Variants in SORCS3 observed in about 807,000 individuals in gnomAD.
SORCS3 encodes sortilin related VPS10 domain containing receptor 3, also known as VPS10 domain-containing receptor SorCS3.
In SORCS3, 57 loss-of-function variants were observed where a neutral mutation model predicts 146.3. The observed-to-expected ratio is 0.39, with a 90% CI of 0.31 to 0.49. SORCS3 has a LOEUF of 0.49. Ranked by LOEUF, SORCS3 falls within the 20% of genes least tolerant of loss-of-function variation. The probability of loss-of-function intolerance (pLI) is 0.92; values close to 1 mark genes in which losing one functional copy is unlikely to be tolerated. For synonymous variants in SORCS3, 653 were observed against 618.5 expected, an observed-to-expected ratio of 1.06 and a Z score of -0.83; for missense variants, 1,341 against 1,575.5, an observed-to-expected ratio of 0.85 and a Z score of 2.52.
intron 3 of SORCS3, among the ~76,000 whole-genome samples, chr10:104,958,957 C>T (rs1281149367): frequency 6.6e-6 from 1 of 152,072 alleles, no homozygotes; most frequent in Non-Finnish European, 1.5e-5. Context: ...CCTCCATGAT[C>T]CAATCACCTC....
At chr10:105,034,076 C>A (rs1000221797) in intron 4 of SORCS3, among the ~76,000 whole-genome samples, 3 of 152,094 alleles carry the variant, frequency 2.0e-5, no homozygotes, top group Non-Finnish European at 2.9e-5. Flanking sequence ...GGAAGATATA[C>A]ATTGATCATG....
At chr10:105,041,288 C>T (rs2055336337) in intron 4 of SORCS3, among the ~76,000 whole-genome samples, 1 of 148,650 alleles carries the variant, frequency 6.7e-6, no homozygotes, top group Admixed American at 6.7e-5. Flanking sequence ...GGAAGAGGTC[C>T]TCTTCCCCAC....
chr10:104,740,838 A>G (rs572079903), intron 1 of SORCS3, among the ~76,000 whole-genome samples: 5 of 152,160 alleles, frequency 3.3e-5, no homozygotes, highest in Admixed American at 2.0e-4. Flanking sequence ...CTAGGATCTT[A>G]TCTATTAGTT....
At chr10:104,859,098 A>G (rs1025676407) in intron 2 of SORCS3, among the ~76,000 whole-genome samples, 4 of 152,020 alleles carry the variant, frequency 2.6e-5, no homozygotes, top group African/African-American at 9.7e-5. Flanking sequence ...TACATGCTTT[A>G]GGGTGTTAGT....
intron 5 of SORCS3, among the ~76,000 whole-genome samples, chr10:105,085,434 CAG>C (rs1398930868): frequency 1.3e-5 from 2 of 152,182 alleles, no homozygotes; most frequent in East Asian, 1.9e-4. Context: ...GACCTAGGGA[CAG>C]AGCAGTTTTG....
At chr10:105,072,762 A>G (rs145800050) in intron 5 of SORCS3, among the ~76,000 whole-genome samples, 159 of 144,618 alleles carry the variant, frequency 1.1e-3, no homozygotes, top group African/African-American at 3.9e-3. Context: ...CCCCGTAGCC[A>G]GATGATGTGT....
chr10:105,151,502 T>G (rs1387562497), intron 9 of SORCS3, among the ~76,000 whole-genome samples: 3 of 152,136 alleles, frequency 2.0e-5, no homozygotes, highest in Admixed American at 2.0e-4. Context: ...ACTCAAAGGT[T>G]CAGAGATGTC....
intron 5 of SORCS3, among the ~76,000 whole-genome samples, chr10:105,067,934 T>C (rs2055532635): frequency 6.6e-6 from 1 of 152,044 alleles, no homozygotes; most frequent in Non-Finnish European, 1.5e-5. Flanking sequence ...GGATGCTCTC[T>C]TCATTGTTTC....
chr10:104,933,378 A>G (rs970167118), intron 3 of SORCS3, among the ~76,000 whole-genome samples: 28 of 152,028 alleles, frequency 1.8e-4, no homozygotes, highest in Admixed American at 4.6e-4. Flanking sequence ...CAGACAGTAA[A>G]ATGTACAGAA....
intron 5 of SORCS3, among the ~76,000 whole-genome samples, chr10:105,052,477 G>A (rs1476275549): frequency 6.6e-6 from 1 of 152,154 alleles, no homozygotes; most frequent in African/African-American, 2.4e-5. Flanking sequence ...TTCACTCACT[G>A]ATAATAAACT....
At chr10:105,132,914 A>C (rs957999881) in intron 7 of SORCS3, among the ~76,000 whole-genome samples, 11 of 152,242 alleles carry the variant, frequency 7.2e-5, no homozygotes, top group Non-Finnish European at 1.2e-4. Context: ...TTTGGGATTT[A>C]CAATGCCAGC....
chr10:104,724,569 GT>G (rs1355039638), intron 1 of SORCS3, among the ~76,000 whole-genome samples: 1 of 152,182 alleles, frequency 6.6e-6, no homozygotes, highest in Non-Finnish European at 1.5e-5. Context: ...CCTGCAGAGT[GT>G]TTTCCAACTT....
chr10:104,860,602 A>G lies in SORCS3; in HGVS notation c.695+17743A>G, dbSNP rs141426012. 2.6e-4 allele frequency among the ~76,000 whole-genome samples: 40 copies of G among 152,288 alleles called. No individual in the cohort carries two copies. In the East Asian group the frequency reaches 7.7e-3, roughly 29 times the overall value. On this transcript the variant is annotated intron_variant, in intron 2 of 26. Transcript: ENST00000369701. Reference sequence around the variant, plus strand: ...AAAAACAGAAAAGAAAAAAAATGAAAACAACAACAGCAGCATCAATAATAA... The same window carrying G: ...AAAAACAGAAAAGAAAAAAAATGAAGACAACAACAGCAGCATCAATAATAA...
intron 2 of SORCS3, among the ~76,000 whole-genome samples, chr10:104,867,756 G>A (rs2018475923): frequency 6.6e-6 from 1 of 152,170 alleles, no homozygotes; most frequent in Admixed American, 6.5e-5. Context: ...CAAAGATAAT[G>A]AGGATACAGG....
At chr10:105,201,719 C>T (rs1343159467) in intron 16 of SORCS3, among the ~76,000 whole-genome samples, 1 of 152,140 alleles carries the variant, frequency 6.6e-6, no homozygotes, top group East Asian at 1.9e-4. Context: ...TCAAATCTCA[C>T]CTATAGACAA....
At chr10:105,006,510 T>C (rs1290110677) in intron 4 of SORCS3, among the ~76,000 whole-genome samples, 2 of 152,184 alleles carry the variant, frequency 1.3e-5, no homozygotes, top group African/African-American at 4.8e-5. Flanking sequence ...CACTAAAATA[T>C]AAGTGGTATT....
chr10:104,846,612 A>G (rs990188906), intron 2 of SORCS3, among the ~76,000 whole-genome samples: 1 of 152,186 alleles, frequency 6.6e-6, no homozygotes, highest in African/African-American at 2.4e-5. Flanking sequence ...TAGACAAAAG[A>G]TTGTTTAAAA....
intron 6 of SORCS3, among the ~76,000 whole-genome samples, chr10:105,091,380 C>T (rs1256632732): frequency 1.6e-5 from 1 of 63,408 alleles, no homozygotes; most frequent in Non-Finnish European, 3.4e-5. Flanking sequence ...CCCTCCTTCC[C>T]TCCTTCCTTC....
chr10:105,213,026 A>G (rs1282303507), intron 17 of SORCS3, among the ~76,000 whole-genome samples: 1 of 152,224 alleles, frequency 6.6e-6, no homozygotes, highest in East Asian at 1.9e-4. Context: ...TTTCCAAAAT[A>G]TTATCATTTC....
Sources: allele counts gnomAD v4.1 joint callset (sites outside exome capture counted in the v4.1 genomes callset), GRCh38; gene constraint gnomAD v4.1.1; transcripts MANE v1.5; gene names NCBI Gene and HGNC (gene_info 2026-07-23, HGNC 2026-07-21).